Variants in CNIH3 observed in about 807,000 individuals in gnomAD.
The protein encoded by CNIH3 is protein cornichon homolog 3.
Under a neutral mutation model 24.1 loss-of-function variants are expected in CNIH3, and 14 were observed. The ratio of observed to expected loss-of-function variants is 0.58; its 90% CI spans 0.38 to 0.91. CNIH3 has a LOEUF of 0.91. Among genes scored for constraint, CNIH3 ranks in the 40% least tolerant of loss-of-function variants. The pLI is 0.00. For missense variants in CNIH3, 178 were observed against 196.8 expected, an observed-to-expected ratio of 0.90 and a Z score of 0.57; for synonymous variants, 68 against 73.8, an observed-to-expected ratio of 0.92 and a Z score of 0.40.
At chr1:224,555,314 A>G (rs899823946) in intron 3 of CNIH3, among the ~76,000 whole-genome samples, 2 of 152,174 alleles carry the variant, frequency 1.3e-5, no homozygotes, top group African/African-American at 4.8e-5. Flanking sequence ...TTTAGTGAAG[A>G]ATCACCCACA....
intron 3 of CNIH3, among the ~76,000 whole-genome samples, chr1:224,714,553 T>C (rs1688325042): frequency 6.6e-6 from 1 of 152,358 alleles, no homozygotes; most frequent in Middle Eastern, 3.4e-3. Flanking sequence ...AGAGGACATG[T>C]CCCATTGTGT....
intron 1 of CNIH3, among the ~76,000 whole-genome samples, chr1:224,498,426 A>G (rs2124864093): frequency 6.6e-6 from 1 of 152,282 alleles, no homozygotes; most frequent in East Asian, 1.9e-4. Flanking sequence ...AAAAGCTTAT[A>G]TGCAACTCTC....
At chr1:224,540,884 A>G (rs912596790), downstream of CNIH3, among the ~76,000 whole-genome samples, 1 of 152,224 alleles carries the variant, frequency 6.6e-6, no homozygotes, top group African/African-American at 2.4e-5. Context: ...TTATAGAATT[A>G]AACAGTGTTC....
intron 3 of CNIH3, among the ~76,000 whole-genome samples, chr1:224,598,756 A>C: frequency 6.6e-6 from 1 of 152,236 alleles, no homozygotes; most frequent in Non-Finnish European, 1.5e-5. Flanking sequence ...TTTAGCAATA[A>C]AGTATTTTCA....
intron 3 of CNIH3, among the ~76,000 whole-genome samples, chr1:224,605,122 T>C (rs1682365405): frequency 6.6e-6 from 1 of 152,088 alleles, no homozygotes; most frequent in African/African-American, 2.4e-5. Context: ...ATATGTAAAA[T>C]AGGTGAAGGG....
rs1319667044 is a variant in CNIH3 at position 224,740,069 on chromosome 1, A to G, written c.*713A>G. 8.5e-5 allele frequency: 13 copies of G among 152,236 alleles called. No individual in the cohort carries two copies. Among genetic ancestry groups the G allele is most frequent in the Admixed American group, 8.5e-4 (13 of 15,280 alleles). The allele number at this position is 152,236 out of a possible 1,614,324, so 9.4% of individuals were successfully genotyped here. A position where few individuals can be genotyped will look rare whatever the true frequency, so the allele number is the denominator to read the frequency against. On this transcript the variant is annotated 3_prime_UTR_variant, in exon 6 of 6. Transcript: ENST00000272133. Reference sequence around the variant, plus strand: ...TCTTCTTTTGCCACCTCAAACCATCACAGAGTCTTTAAATGCAAATCAATT... The same window carrying G: ...TCTTCTTTTGCCACCTCAAACCATCGCAGAGTCTTTAAATGCAAATCAATT...
At chr1:224,447,160 G>A (rs1352518838) in intron 1 of CNIH3, among the ~76,000 whole-genome samples, 1 of 152,130 alleles carries the variant, frequency 6.6e-6, no homozygotes, top group Non-Finnish European at 1.5e-5. Context: ...CCTCAATAGG[G>A]TGCATCTGCA....
At chr1:224,456,891 C>A (rs1675685696) in intron 1 of CNIH3, among the ~76,000 whole-genome samples, 1 of 152,194 alleles carries the variant, frequency 6.6e-6, no homozygotes, top group African/African-American at 2.4e-5. Flanking sequence ...CAGGAAGAGG[C>A]TTGTGTGGGA....
intron 1 of CNIH3, among the ~76,000 whole-genome samples, chr1:224,487,955 T>C (rs981671983): frequency 1.3e-5 from 2 of 152,232 alleles, no homozygotes; most frequent in Non-Finnish European, 2.9e-5. Flanking sequence ...TTAATCTTTT[T>C]GAAAACCCTA....
intron 1 of CNIH3, among the ~76,000 whole-genome samples, chr1:224,624,366 T>C (rs1683418124): frequency 6.6e-6 from 1 of 152,166 alleles, no homozygotes; most frequent in Admixed American, 6.5e-5. Context: ...TGTTGGTAGT[T>C]TCCTGGCCTC....
chr1:224,535,500 G>A (rs766577722), intron 2 of CNIH3, among the ~76,000 whole-genome samples: 4 of 152,148 alleles, frequency 2.6e-5, no homozygotes, highest in Non-Finnish European at 4.4e-5. Flanking sequence ...CAAGGTTAAC[G>A]TGTCTGAAGT....
intron 1 of CNIH3, among the ~76,000 whole-genome samples, chr1:224,638,582 G>A (rs74146216): frequency 0.023 from 3,450 of 152,224 alleles, 104 homozygotes; most frequent in African/African-American, 0.076. Flanking sequence ...GTAAAAGGAG[G>A]GGTGGCAGGG....
chr1:224,442,556 T>TC (rs34579583), intron 1 of CNIH3, among the ~76,000 whole-genome samples: 5 of 152,216 alleles, frequency 3.3e-5, no homozygotes, highest in Admixed American at 6.5e-5. Flanking sequence ...GCCTTTTTTT[T>TC]CCCTGTGATG....
chr1:224,709,900 G>A (rs115809053), intron 3 of CNIH3, among the ~76,000 whole-genome samples: 2,142 of 152,078 alleles, frequency 0.014, 55 homozygotes, highest in African/African-American at 0.049. Flanking sequence ...ACCAAGCTGC[G>A]GTATATCCTA....
chr1:224,579,986 G>T (rs923533726), intron 4 of CNIH3, among the ~76,000 whole-genome samples: 2 of 152,144 alleles, frequency 1.3e-5, no homozygotes, highest in Non-Finnish European at 2.9e-5. Flanking sequence ...GCCTGGGGTG[G>T]ATGTTGGTGG....
intron 1 of CNIH3, among the ~76,000 whole-genome samples, chr1:224,445,275 T>A (rs1675107626): frequency 6.6e-6 from 1 of 152,070 alleles, no homozygotes; most frequent in African/African-American, 2.4e-5. Flanking sequence ...CCTCCTCTTT[T>A]AAGATTGTGT....
chr1:224,642,094 T>C (rs1232940183), intron 1 of CNIH3, among the ~76,000 whole-genome samples: 1 of 152,242 alleles, frequency 6.6e-6, no homozygotes. Flanking sequence ...GTATTTTACT[T>C]ATTTGCTATT....
intron 1 of CNIH3, among the ~76,000 whole-genome samples, chr1:224,446,636 T>G (rs577379120): frequency 6.6e-6 from 1 of 152,336 alleles, no homozygotes; most frequent in East Asian, 1.9e-4. Flanking sequence ...TCTTTAGTCT[T>G]GAGTTAAGGA....
chr1:224,444,727 C>T (rs1311562111), intron 1 of CNIH3, among the ~76,000 whole-genome samples: 2 of 152,102 alleles, frequency 1.3e-5, no homozygotes, highest in Non-Finnish European at 2.9e-5. Context: ...TCACTGCAAC[C>T]TTCGACTCCC....
Sources: gnomAD v4.1 joint callset for allele counts (sites outside exome capture counted in the v4.1 genomes callset) on GRCh38, gnomAD v4.1.1 for gene constraint, MANE v1.5 for transcripts, NCBI Gene and HGNC (gene_info 2026-07-23, HGNC 2026-07-21) for gene names.